Variants in NR3C2 observed in about 807,000 individuals in gnomAD.
NR3C2 encodes the protein mineralocorticoid receptor.
Under a neutral mutation model 86.4 loss-of-function variants are expected in NR3C2, and 15 were observed. The observed-to-expected ratio is 0.17, with a 90% CI of 0.12 to 0.27. NR3C2 has a LOEUF of 0.27. Among genes scored for constraint, NR3C2 ranks in the 10% least tolerant of loss-of-function variants. The pLI, the probability that NR3C2 is intolerant of heterozygous loss-of-function variation, is 1.00. For synonymous variants in NR3C2, 458 were observed against 450.5 expected (o/e 1.02, Z -0.21); for missense variants, 960 against 1,195.6 (o/e 0.80, Z 2.91).
chr4:148,237,980 C>A (rs905925417), intron 3 of NR3C2, among the ~76,000 whole-genome samples: 6 of 152,004 alleles, frequency 3.9e-5, no homozygotes, highest in Non-Finnish European at 8.8e-5. Context: ...AAATGAGAAA[C>A]CTCAATATAG....
chr4:148,313,327 G>T (rs546685724), intron 2 of NR3C2, among the ~76,000 whole-genome samples: 1 of 152,054 alleles, frequency 6.6e-6, no homozygotes, highest in Admixed American at 6.6e-5. Context: ...CAAGTTTTAT[G>T]CATAAAAATA....
intron 2 of NR3C2, among the ~76,000 whole-genome samples, chr4:148,318,618 A>G (rs924932129): frequency 1.3e-5 from 2 of 152,256 alleles, no homozygotes; most frequent in Non-Finnish European, 2.9e-5. Context: ...GCATTTCTCT[A>G]ACGGCCAGTG....
chr4:148,301,273 C>G (rs1181916090), intron 2 of NR3C2, among the ~76,000 whole-genome samples: 1 of 152,160 alleles, frequency 6.6e-6, no homozygotes, highest in Non-Finnish European at 1.5e-5. Flanking sequence ...GTGCTTGGAT[C>G]AAATATTTCT....
At position 148,284,134 on chromosome 4, in the gene NR3C2, C is replaced by T. The variant is rs114748148; in HGVS notation, c.1758-24017G>A. On this transcript the variant is annotated intron_variant, in intron 2 of 8. Coordinates refer to ENST00000358102, the MANE Select transcript of NR3C2 (RefSeq NM_000901.5). ...TCTGGCCTGGATCTGCCTCTACCAA[C>T]ATGTATTCCTCTGGGTTATGTAGAG... Among the ~76,000 whole-genome samples the T allele has an allele frequency of 1.4e-3, 219 of 152,288 alleles. 1 individual carries two copies. Among genetic ancestry groups the T allele is most frequent in the African/African-American group, 4.9e-3 (205 of 41,560 alleles).
chr4:148,230,656 A>G (rs948700791), intron 3 of NR3C2, among the ~76,000 whole-genome samples: 3 of 152,236 alleles, frequency 2.0e-5, no homozygotes, highest in African/African-American at 7.2e-5. Flanking sequence ...CCTAAATAAT[A>G]GAATATCCTA....
At position 148,396,932 on chromosome 4, in the gene NR3C2, AT is replaced by A. The variant is rs975224387; in HGVS notation, c.1757+38171del. Among the ~76,000 whole-genome samples, 129 of 149,970 alleles carry A rather than the reference AT, an allele frequency of 8.6e-4. 2 individuals carry two copies. Among genetic ancestry groups the A allele is most frequent in the South Asian group, 4.7e-3 (22 of 4,728 alleles). The stretch of plus-strand genomic sequence containing the variant: ...ATTTATAGAAGTTGATGTTTTGCTC[AT>A]TTTTTTTTTAAAGATCTAAGAACCC... On this transcript the variant is annotated intron_variant, in intron 2 of 8. Transcript: ENST00000358102.
At chr4:148,369,942 G>C (rs1224619741) in intron 2 of NR3C2, among the ~76,000 whole-genome samples, 1 of 152,230 alleles carries the variant, frequency 6.6e-6, no homozygotes. Context: ...TGAGGGGCTG[G>C]AACCAAGTGC....
chr4:148,266,948 G>A (rs543055615), intron 2 of NR3C2, among the ~76,000 whole-genome samples: 155 of 152,300 alleles, frequency 1.0e-3, no homozygotes, highest in Non-Finnish European at 1.8e-3. Flanking sequence ...AAGATGGGGG[G>A]AAGAGCAGTT....
At chr4:148,178,945 AAAC>A (rs1320176708) in intron 4 of NR3C2, among the ~76,000 whole-genome samples, 1 of 150,996 alleles carries the variant, frequency 6.6e-6, no homozygotes, top group Admixed American at 6.6e-5. Flanking sequence ...AAAAAAAAAA[AAAC>A]AAAAAAAAAC....
At chr4:148,422,412 CA>C (rs200882979) in intron 2 of NR3C2, among the ~76,000 whole-genome samples, 1 of 150,150 alleles carries the variant, frequency 6.7e-6, no homozygotes, top group Non-Finnish European at 1.5e-5. Flanking sequence ...ATTTCCATTT[CA>C]AAAAAAAATA....
chr4:148,162,591 T>C (rs1560954301), intron 4 of NR3C2, among the ~76,000 whole-genome samples: 3 of 152,126 alleles, frequency 2.0e-5, no homozygotes, highest in Admixed American at 6.5e-5. Flanking sequence ...CTCTGGGCAA[T>C]GGAGAAAGCT....
intron 3 of NR3C2, among the ~76,000 whole-genome samples, chr4:148,198,080 A>T (rs1736525506): frequency 6.6e-6 from 1 of 152,150 alleles, no homozygotes; most frequent in African/African-American, 2.4e-5. Context: ...GTGCACGTGT[A>T]AAACAAATTG....
intron 4 of NR3C2, among the ~76,000 whole-genome samples, chr4:148,169,757 G>A (rs912459882): frequency 6.6e-6 from 1 of 152,244 alleles, no homozygotes; most frequent in African/African-American, 2.4e-5. Context: ...TCTGGTCAAT[G>A]GGTGATCTTC....
chr4:148,283,944 C>T (rs1385194782), intron 2 of NR3C2, among the ~76,000 whole-genome samples: 4 of 152,164 alleles, frequency 2.6e-5, no homozygotes, highest in African/African-American at 9.7e-5. Flanking sequence ...TCCCCACCCT[C>T]GTAATGACCA....
intron 3 of NR3C2, chr4:148,207,842 C>G (rs768445514): frequency 2.6e-5 from 4 of 152,088 alleles, no homozygotes; most frequent in African/African-American, 4.8e-5. Context: ...CACACACACC[C>G]ATAACATTTA....
At chr4:148,171,966 A>C (rs770975847) in intron 4 of NR3C2, among the ~76,000 whole-genome samples, 2 of 152,136 alleles carry the variant, frequency 1.3e-5, no homozygotes, top group Non-Finnish European at 2.9e-5. Context: ...TGTATTCTAG[A>C]AACTATGGAA....
intron 8 of NR3C2, among the ~76,000 whole-genome samples, chr4:148,110,542 A>C (rs1177881545): frequency 6.6e-6 from 1 of 152,210 alleles, no homozygotes; most frequent in Non-Finnish European, 1.5e-5. Flanking sequence ...ACTCTAATGA[A>C]AAAGCTGTAG....
At chr4:148,210,411 G>A (rs779535665) in intron 3 of NR3C2, among the ~76,000 whole-genome samples, 4 of 152,098 alleles carry the variant, frequency 2.6e-5, no homozygotes, top group Admixed American at 6.6e-5. Context: ...GGCTGGTCTC[G>A]AACTCCAGAG....
At chr4:148,354,003 C>T (rs1457311973) in intron 2 of NR3C2, among the ~76,000 whole-genome samples, 2 of 152,044 alleles carry the variant, frequency 1.3e-5, no homozygotes, top group East Asian at 3.9e-4. Flanking sequence ...AATCACAGGT[C>T]CTAAGATATT....
Sources: gnomAD v4.1 joint callset for allele counts (sites outside exome capture counted in the v4.1 genomes callset) on GRCh38, gnomAD v4.1.1 for gene constraint, MANE v1.5 for transcripts, NCBI Gene and HGNC (gene_info 2026-07-23, HGNC 2026-07-21) for gene names.